The following PHETA2 variants were observed in gnomAD, a reference collection of about 807,000 sequenced individuals.
PHETA2 encodes sesquipedalian-2.
For missense variants in PHETA2, 321 were observed against 341.3 expected, an observed-to-expected ratio of 0.94 and a Z score of 0.47; for synonymous variants, 133 against 142.9, an observed-to-expected ratio of 0.93 and a Z score of 0.50.
In PHETA2 at chr22:42,077,434, C is replaced by T. The variant is rs752449621; in HGVS notation, c.141C>T (p.Leu47=). The part of the protein sequence containing the change: ...SGTGRRCWFV[L]KGNLLFSFES... ...CTGGCCGAAGATGCTGGTTTGTCCTCAAGGGCAACCTGCTATTCTCCTTTG... is the reference window on the plus strand; with the variant it reads ...CTGGCCGAAGATGCTGGTTTGTCCTTAAGGGCAACCTGCTATTCTCCTTTG... The change falls in exon 3 of 3, where the codon CTC becomes CTT. Residue 47 remains leucine, a synonymous_variant. Transcript: ENST00000321753. The T allele has an allele frequency of 3.7e-6, 6 of 1,613,468 alleles. No homozygotes were observed. In the Admixed American group the frequency reaches 8.3e-5, roughly 22 times the overall value.
chr22:42,076,590 C>G (rs1264047286), intron 2 of PHETA2, among the ~76,000 whole-genome samples: 9 of 152,182 alleles, frequency 5.9e-5, no homozygotes, highest in African/African-American at 1.4e-4. Flanking sequence ...CCGCACCCCA[C>G]CAATCAATGT....
At chr22:42,077,166 C>G in intron 2 of PHETA2, 114 bp from the exon 3 acceptor site, 1 of 918,008 alleles carries the variant, frequency 1.1e-6, no homozygotes, top group South Asian at 1.9e-5. Flanking sequence ...ACACAGCAAG[C>G]GAGTAGGAGT....
At chr22:42,077,055 G>A (rs951334284) in intron 2 of PHETA2, among the ~76,000 whole-genome samples, 4 of 152,070 alleles carry the variant, frequency 2.6e-5, no homozygotes, top group Non-Finnish European at 4.4e-5. Context: ...CTCGAAGTCC[G>A]CCAGTGTCCA....
Position 42,078,369 on chromosome 22 carries a change from TGAAG to T in PHETA2, c.*301_*304del, listed in dbSNP as rs1927429090. The T allele has an allele frequency of 1.3e-5, 5 of 391,230 alleles. No individual in the cohort carries two copies. The highest frequency in any genetic ancestry group is 2.4e-5 in the Non-Finnish European group (5 of 210,580). The allele number at this position is 391,230 out of a possible 1,614,324, so 24.2% of individuals were successfully genotyped here. Reference sequence around the variant, plus strand: ...CCCCTCCCAGGGGATGTTAATGAAATGAAGGAAGTGGGGAATGTCACCCGAGACT... The same window carrying T: ...CCCCTCCCAGGGGATGTTAATGAAATGAAGTGGGGAATGTCACCCGAGACT... On this transcript the variant is annotated 3_prime_UTR_variant, in exon 3 of 3. Transcript: ENST00000321753.
rs1922793046 is a variant in PHETA2 at position 42,078,256 on chromosome 22, C to G, written c.*183C>G. 1 of 642,608 alleles carries G rather than the reference C, an allele frequency of 1.6e-6. No homozygotes were observed. The highest frequency in any genetic ancestry group is 2.6e-6 in the Non-Finnish European group (1 of 389,646). 39.8% of individuals were successfully genotyped at this position (642,608 alleles called of 1,614,324 possible). A position where few individuals can be genotyped will look rare whatever the true frequency, so the allele number is the denominator to read the frequency against. On this transcript the variant is annotated 3_prime_UTR_variant, in exon 3 of 3. Transcript: ENST00000321753. ...GGACTGCGGGACCATTCCTTCCATCCTCTTTATTTCCTGAGGTCCAGAGAA... is the reference window on the plus strand; with the variant it reads ...GGACTGCGGGACCATTCCTTCCATCGTCTTTATTTCCTGAGGTCCAGAGAA...
rs1602505847 is a variant in PHETA2, at chr22:42,077,954, A to T, written c.661A>T (p.Thr221Ser). The change falls in exon 3 of 3, where the codon ACC (threonine) becomes TCC (serine). Residue 221 changes from threonine to serine, a missense_variant. Physicochemically the swap from Thr to Ser is moderately conservative, Grantham distance 58. Coordinates refer to ENST00000321753, the MANE Select transcript of PHETA2 (RefSeq NM_001002034.3). ...GGGGCAGAGCCCTGTGTCCCCTGAG[A>T]CCTCCTGCTTCTCTACCCTGCATGA... ...GKGQSPVSPE[T>S]SCFSTLHDWY... 1.9e-6 allele frequency: 3 copies of T among 1,611,410 alleles called. No homozygotes were observed. Among genetic ancestry groups the T allele is most frequent in the Non-Finnish European group, 2.5e-6 (3 of 1,178,966 alleles).
At position 42,077,636 on chromosome 22, in the gene PHETA2, G is replaced by A; in HGVS notation, c.343G>A (p.Val115Met). The change falls in exon 3 of 3, where the codon GTG becomes ATG. Residue 115 changes from valine to methionine, a missense_variant. Physicochemically the swap from Val to Met is conservative, Grantham distance 21. Transcript: ENST00000321753. ...GPAAQEAWVKVLSRASFGYMR... is the reference protein window; with the variant it reads ...GPAAQEAWVKMLSRASFGYMR... ...GGCGGCCCAGGAGGCCTGGGTGAAG[G>A]TGCTGTCCCGGGCAAGCTTTGGCTA... is the stretch of plus-strand genomic sequence containing the variant. 1 of 1,614,132 alleles carries A rather than the reference G, an allele frequency of 6.2e-7. No individual in the cohort carries two copies. Among genetic ancestry groups the A allele is most frequent in the Non-Finnish European group, 8.5e-7 (1 of 1,179,998 alleles).
In PHETA2 at chr22:42,078,192, G is replaced by A. The variant is rs930487980; in HGVS notation, c.*119G>A. On this transcript the variant is annotated 3_prime_UTR_variant, in exon 3 of 3. Coordinates refer to ENST00000321753, the MANE Select transcript of PHETA2 (RefSeq NM_001002034.3). ...GGGTTCTCTCCTTCCTGCTATTTAGGCATTCTCCAGGTTCGAGATCCACCC... is the reference window on the plus strand; with the variant it reads ...GGGTTCTCTCCTTCCTGCTATTTAGACATTCTCCAGGTTCGAGATCCACCC... 3.7e-5 allele frequency: 45 copies of A among 1,210,256 alleles called. No homozygotes were observed. In the East Asian group the frequency reaches 1.2e-3, roughly 32 times the overall value. 75.0% of individuals were successfully genotyped at this position (1,210,256 alleles called of 1,614,324 possible).
In PHETA2 at chr22:42,077,586, C is replaced by T; in HGVS notation, c.293C>T (p.Pro98Leu). 1.2e-6 allele frequency: 2 copies of T among 1,614,148 alleles called. No individual in the cohort carries two copies. The highest frequency in any genetic ancestry group is 3.3e-5 in the Admixed American group (2 of 60,026). Residue 98 changes from proline (P) to leucine (L), a missense_variant, in exon 3 of 3, where the codon CCA becomes CTA. Pro to Leu is a moderately conservative substitution (Grantham distance 98). Coordinates refer to ENST00000321753, the MANE Select transcript of PHETA2 (RefSeq NM_001002034.3). ...TGCTTTGATGCCCCTGGAGTGCGCC[C>T]ACACCTGCTGGCCGCAGAAGGGCCG... is the stretch of plus-strand genomic sequence containing the variant. ...AICFDAPGVR[P>L]HLLAAEGPAA...
rs749306399 is a variant in PHETA2, at chr22:42,078,051, G to A, written c.758G>A (p.Cys253Tyr). The A allele has an allele frequency of 3.7e-6, 6 of 1,602,364 alleles. No homozygotes were observed. The highest frequency in any genetic ancestry group is 1.7e-5 in the Admixed American group (1 of 58,530). Residue 253 changes from cysteine (C) to tyrosine (Y), a missense_variant, in exon 3 of 3, where the codon TGT (cysteine) becomes TAT (tyrosine). Coordinates refer to ENST00000321753, the MANE Select transcript of PHETA2 (RefSeq NM_001002034.3). ...AGGGCCCAGGGGAGCCACTCAAAAT[G>A]TGAGGAACAGGATAGGCCCTAAGTC... ...QKRAQGSHSK[C>Y]EEQDRP
Position 42,077,378 on chromosome 22 carries a change from G to A in PHETA2, c.85G>A (p.Gly29Ser), listed in dbSNP as rs771090609. Residue 29 changes from glycine to serine, a missense_variant, in exon 3 of 3, where the codon GGC (glycine) becomes AGC (serine). Transcript: ENST00000321753. ...DHMGFLRTWG[G>S]PGTPPTPSGT... ...CATGGGCTTCCTGCGCACCTGGGGG[G>A]GCCCAGGGACCCCACCGACCCCCAG... 7.5e-6 allele frequency: 12 copies of A among 1,600,108 alleles called. No individual in the cohort carries two copies. The East Asian group carries it at 2.5e-4, about 33-fold the overall frequency.
At position 42,078,832 on chromosome 22, in the gene PHETA2, G is replaced by A. The variant is rs1228496754; in HGVS notation, c.*759G>A. 2 of 167,336 alleles carry A rather than the reference G, an allele frequency of 1.2e-5. No homozygotes were observed. Among genetic ancestry groups the A allele is most frequent in the Non-Finnish European group, 2.9e-5 (2 of 68,314 alleles). The allele number at this position is 167,336 out of a possible 1,614,324, so 10.4% of individuals were successfully genotyped here. A position where few individuals can be genotyped will look rare whatever the true frequency, so the allele number is the denominator to read the frequency against. On this transcript the variant is annotated 3_prime_UTR_variant, in exon 3 of 3. Transcript: ENST00000321753. ...GCCAACTCCTGGAGCTGCCAAGTGA[G>A]GGGTTAAAGAAGAGGTGGGGAGGCA...
Position 42,075,035 on chromosome 22 carries a change from G to A in PHETA2, c.-96-536G>A, listed in dbSNP as rs1261444491. Reference sequence around the variant, plus strand: ...ATTAATTCAACAGATCCCTCCTGAGGGCCTCTCTGAGCCCTGCACGGTGCT... The same window carrying A: ...ATTAATTCAACAGATCCCTCCTGAGAGCCTCTCTGAGCCCTGCACGGTGCT... On this transcript the variant is annotated intron_variant, in intron 1 of 2. Transcript: ENST00000321753. The surrounding 1 kb of genome is among the most constrained non-coding windows in gnomAD (Gnocchi z 4.8). 6.6e-6 allele frequency among the ~76,000 whole-genome samples: 1 copy of A among 152,114 alleles called. No homozygotes were observed. The highest frequency in any genetic ancestry group is 1.9e-4 in the East Asian group (1 of 5,174).
Position 42,077,484 on chromosome 22 carries a change from T to C in PHETA2, c.191T>C (p.Leu64Pro), listed in dbSNP as rs1927332398. Residue 64 changes from leucine (L) to proline (P), a missense_variant, in exon 3 of 3, where the codon CTG becomes CCG. Transcript: ENST00000321753. ...GAGAGTCGCGAGGGCCGGGCCCCAC[T>C]GAGCCTGGTGGTGCTGGAAGGCTGC... ...SFESREGRAPLSLVVLEGCTV... is the reference protein window; with the variant it reads ...SFESREGRAPPSLVVLEGCTV... 6.2e-7 allele frequency: 1 copy of C among 1,614,038 alleles called. No homozygotes were observed. Among genetic ancestry groups the C allele is most frequent in the South Asian group, 1.1e-5 (1 of 91,082 alleles).
Position 42,079,131 on chromosome 22 carries a change from C to A in PHETA2, c.*1058C>A, listed in dbSNP as rs1390399260. The A allele has an allele frequency of 6.0e-6, 1 of 167,234 alleles. No homozygotes were observed. Among genetic ancestry groups the A allele is most frequent in the African/African-American group, 2.4e-5 (1 of 41,440 alleles). The allele number at this position is 167,234 out of a possible 1,614,324, so 10.4% of individuals were successfully genotyped here. A position where few individuals can be genotyped will look rare whatever the true frequency, so the allele number is the denominator to read the frequency against. On this transcript the variant is annotated 3_prime_UTR_variant, in exon 3 of 3. Coordinates refer to ENST00000321753, the MANE Select transcript of PHETA2 (RefSeq NM_001002034.3). ...CCATACTGACGCTCCAGGGGGAAGA[C>A]GCAGAGGCCGGGAAGAGACACCCCC...
chr22:42,077,330 C>T lies in PHETA2; in HGVS notation c.37C>T (p.Leu13Phe). The T allele has an allele frequency of 6.4e-7, 1 of 1,555,338 alleles. No homozygotes were observed. The highest frequency in any genetic ancestry group is 1.2e-5 in the South Asian group (1 of 81,296). ...CGAGAGGAGTGTAGCCCACTATGCA[C>T]TCAGCGACTCCCCAGCGGACCACAT... Reference protein sequence around the residue: ...LNERSVAHYALSDSPADHMGF... With the variant: ...LNERSVAHYAFSDSPADHMGF... Residue 13 changes from leucine to phenylalanine, a missense_variant, in exon 3 of 3, where the codon CTC becomes TTC. Transcript: ENST00000321753.
chr22:42,078,410 G>T lies in PHETA2; in HGVS notation c.*337G>T. On this transcript the variant is annotated 3_prime_UTR_variant, in exon 3 of 3. Transcript: ENST00000321753. ...TGTCACCCGAGACTGTCACAGGCTTGCCATACCTTTGGCCTACACACCGGG... is the reference window on the plus strand; with the variant it reads ...TGTCACCCGAGACTGTCACAGGCTTTCCATACCTTTGGCCTACACACCGGG... 3.2e-6 allele frequency: 1 copy of T among 316,696 alleles called. No individual in the cohort carries two copies. The allele number at this position is 316,696 out of a possible 1,614,324, so 19.6% of individuals were successfully genotyped here. A position where few individuals can be genotyped will look rare whatever the true frequency, so the allele number is the denominator to read the frequency against.
chr22:42,078,200 C>A lies in PHETA2; in HGVS notation c.*127C>A. ...TCCTTCCTGCTATTTAGGCATTCTC[C>A]AGGTTCGAGATCCACCCGTGTGTCT... On this transcript the variant is annotated 3_prime_UTR_variant, in exon 3 of 3. Coordinates refer to ENST00000321753, the MANE Select transcript of PHETA2 (RefSeq NM_001002034.3). 1 of 1,124,930 alleles carries A rather than the reference C, an allele frequency of 8.9e-7. No homozygotes were observed. Among genetic ancestry groups the A allele is most frequent in the Non-Finnish European group, 1.2e-6 (1 of 810,022 alleles). The allele number at this position is 1,124,930 out of a possible 1,614,324, so 69.7% of individuals were successfully genotyped here. A position where few individuals can be genotyped will look rare whatever the true frequency, so the allele number is the denominator to read the frequency against.
chr22:42,078,190 A>AC lies in PHETA2; in HGVS notation c.*117_*118insC. On this transcript the variant is annotated 3_prime_UTR_variant, in exon 3 of 3. Coordinates refer to ENST00000321753, the MANE Select transcript of PHETA2 (RefSeq NM_001002034.3). ...ATGGGTTCTCTCCTTCCTGCTATTT[A>AC]GGCATTCTCCAGGTTCGAGATCCAC... is the stretch of plus-strand genomic sequence containing the variant. The AC allele has an allele frequency of 8.1e-7, 1 of 1,234,936 alleles. No individual in the cohort carries two copies. Among genetic ancestry groups the AC allele is most frequent in the Admixed American group, 3.0e-5 (1 of 33,456 alleles). The allele number at this position is 1,234,936 out of a possible 1,614,324, so 76.5% of individuals were successfully genotyped here.
Sources: gnomAD v4.1 joint callset for allele counts (sites outside exome capture counted in the v4.1 genomes callset) on GRCh38, gnomAD v4.1.1 for gene constraint, Gnocchi (gnomAD v3.1) non-coding constraint, MANE v1.5 for transcripts, NCBI Gene and HGNC (gene_info 2026-07-23, HGNC 2026-07-21) for gene names.